Variants in ZMAT4 observed in about 807,000 individuals in gnomAD.
The protein encoded by ZMAT4 is zinc finger matrin-type protein 4.
In ZMAT4, 17 loss-of-function variants were observed where a neutral mutation model predicts 28.7. The ratio of observed to expected loss-of-function variants is 0.59; its 90% CI spans 0.41 to 0.89. The LOEUF is 0.89. Among genes scored for constraint, ZMAT4 ranks in the 40% least tolerant of loss-of-function variants. The pLI is 0.00. For missense variants in ZMAT4, 240 were observed against 283.8 expected (o/e 0.85, Z 1.11); for synonymous variants, 117 against 109.2 (o/e 1.07, Z -0.44).
chr8:40,686,062 A>C lies in ZMAT4; in HGVS notation c.350-11131T>G, dbSNP rs544489343. On this transcript the variant is annotated intron_variant, in intron 4 of 6. Transcript: ENST00000297737. ...CCAAATATTCATATAGTCATGTTTC[A>C]TTCATTCAACTATGTTCTGGCACTG... 3.3e-5 allele frequency among the ~76,000 whole-genome samples: 5 copies of C among 152,320 alleles called. No individual in the cohort carries two copies. The East Asian group carries it at 9.6e-4, about 29-fold the overall frequency.
intron 5 of ZMAT4, among the ~76,000 whole-genome samples, chr8:40,634,876 C>A (rs925779266): frequency 1.3e-5 from 2 of 152,208 alleles, no homozygotes; most frequent in African/African-American, 4.8e-5. Context: ...AATCTAGCTT[C>A]CTGCAGACTC....
At chr8:40,784,709 C>T (rs1209898612) in intron 2 of ZMAT4, among the ~76,000 whole-genome samples, 2 of 152,140 alleles carry the variant, frequency 1.3e-5, no homozygotes, top group Non-Finnish European at 1.5e-5. Flanking sequence ...CACACTGCCC[C>T]GATCCCCATT....
At chr8:40,796,990 G>A (rs1296967507) in intron 2 of ZMAT4, among the ~76,000 whole-genome samples, 1 of 152,146 alleles carries the variant, frequency 6.6e-6, no homozygotes, top group African/African-American at 2.4e-5. Flanking sequence ...GGGGCCACAG[G>A]CAGGGAATCG....
rs550511471 is a variant in ZMAT4, at chr8:40,591,457, C to T, written c.578-10196G>A. The stretch of plus-strand genomic sequence containing the variant: ...CAATCTATCCTGCAGGTCGGTCACC[C>T]ATGTGACTGAGGCTGGGGACACTAA... On this transcript the variant is annotated intron_variant, in intron 5 of 6. Coordinates refer to ENST00000297737, the MANE Select transcript of ZMAT4 (RefSeq NM_024645.3). Among the ~76,000 whole-genome samples, 132 of 152,300 alleles carry T rather than the reference C, an allele frequency of 8.7e-4. 2 individuals are homozygous for T. Among genetic ancestry groups the T allele is most frequent in the Middle Eastern group, 6.8e-3 (2 of 294 alleles).
rs556931129 is a variant in ZMAT4, at chr8:40,791,336, A to G, written c.103-23606T>C. 4.7e-3 allele frequency among the ~76,000 whole-genome samples: 713 copies of G among 152,326 alleles called. 7 individuals are homozygous for G. Among genetic ancestry groups the G allele is most frequent in the Middle Eastern group, 0.027 (8 of 294 alleles). On this transcript the variant is annotated intron_variant, in intron 2 of 6. Coordinates refer to ENST00000297737, the MANE Select transcript of ZMAT4 (RefSeq NM_024645.3). ...ACATGGAAGCGCTCCTAGGAGCTCC[A>G]AAGTACTTAAGCCTGGGAAATCCCG... is the stretch of plus-strand genomic sequence containing the variant.
At chr8:40,634,339 C>CCTGATT (rs1223245157) in intron 5 of ZMAT4, among the ~76,000 whole-genome samples, 1 of 152,120 alleles carries the variant, frequency 6.6e-6, no homozygotes, top group Non-Finnish European at 1.5e-5. Flanking sequence ...AGACAAAGAA[C>CCTGATT]CTGATTCCTC....
chr8:40,669,485 C>G (rs1323991157), intron 5 of ZMAT4, among the ~76,000 whole-genome samples: 2 of 151,898 alleles, frequency 1.3e-5, no homozygotes, highest in Non-Finnish European at 2.9e-5. Context: ...CCGCTTTTGC[C>G]TCTGCCACCC....
At chr8:40,751,731 G>C (rs1812460086) in intron 3 of ZMAT4, among the ~76,000 whole-genome samples, 1 of 152,178 alleles carries the variant, frequency 6.6e-6, no homozygotes, top group Non-Finnish European at 1.5e-5. Flanking sequence ...TACAGAAGAA[G>C]AGGATGACTT....
At chr8:40,806,186 T>G (rs1205711585) in intron 2 of ZMAT4, among the ~76,000 whole-genome samples, 1 of 152,208 alleles carries the variant, frequency 6.6e-6, no homozygotes, top group East Asian at 1.9e-4. Flanking sequence ...GAAACAGCAT[T>G]TGCAACTTTT....
rs1022661722 is a variant in ZMAT4, at chr8:40,663,958, G to T, written c.577+10746C>A. Among the ~76,000 whole-genome samples, 6 of 152,170 alleles carry T rather than the reference G, an allele frequency of 3.9e-5. No homozygotes were observed. The South Asian group carries it at 1.2e-3, about 32-fold the overall frequency. On this transcript the variant is annotated intron_variant, in intron 5 of 6. Coordinates refer to ENST00000297737, the MANE Select transcript of ZMAT4 (RefSeq NM_024645.3). ...TACATATTATTTGACACTAGTTTCT[G>T]TCAAGTATTCAGTACTTGAAAATGT... is the stretch of plus-strand genomic sequence containing the variant.
chr8:40,722,833 T>C (rs546731797), intron 3 of ZMAT4, among the ~76,000 whole-genome samples: 10 of 152,112 alleles, frequency 6.6e-5, no homozygotes, highest in Non-Finnish European at 1.5e-4. Context: ...TGATAAGTGC[T>C]CACATACATC....
intron 5 of ZMAT4, among the ~76,000 whole-genome samples, chr8:40,670,444 A>T (rs1200470612): frequency 6.6e-6 from 1 of 152,232 alleles, no homozygotes; most frequent in African/African-American, 2.4e-5. Context: ...TGTAGAAGAA[A>T]ACATACAAGA....
chr8:40,546,639 ACAGGAAAGTGC>A (rs1411850526), intron 6 of ZMAT4, among the ~76,000 whole-genome samples: 4 of 152,152 alleles, frequency 2.6e-5, no homozygotes, highest in East Asian at 1.9e-4. Context: ...AATGGTCCTC[ACAGGAAAGTGC>A]CAGTTCCTGA....
At chr8:40,752,887 T>G (rs1392161758) in intron 3 of ZMAT4, among the ~76,000 whole-genome samples, 1 of 152,118 alleles carries the variant, frequency 6.6e-6, no homozygotes, top group Non-Finnish European at 1.5e-5. Context: ...TTCTTTTTTT[T>G]TAATTTTACT....
At chr8:40,797,542 A>G (rs1814649775) in intron 2 of ZMAT4, among the ~76,000 whole-genome samples, 1 of 152,168 alleles carries the variant, frequency 6.6e-6, no homozygotes, top group Non-Finnish European at 1.5e-5. Flanking sequence ...AAGACTAAGG[A>G]CGGTGGTATT....
At chr8:40,618,013 C>G (rs1445349557) in intron 5 of ZMAT4, among the ~76,000 whole-genome samples, 1 of 152,164 alleles carries the variant, frequency 6.6e-6, no homozygotes, top group Non-Finnish European at 1.5e-5. Context: ...CAAATTCTAC[C>G]ACACTCTCTA....
chr8:40,773,242 G>A (rs978341283), intron 2 of ZMAT4, among the ~76,000 whole-genome samples: 1 of 152,128 alleles, frequency 6.6e-6, no homozygotes, highest in Admixed American at 6.5e-5. Context: ...GAGAAAGCTG[G>A]TCCCTAAAGG....
intron 2 of ZMAT4, among the ~76,000 whole-genome samples, chr8:40,798,189 C>T (rs1411287893): frequency 6.6e-6 from 1 of 152,190 alleles, no homozygotes; most frequent in Admixed American, 6.5e-5. Flanking sequence ...CTTCAAAGAA[C>T]TGGAAATCCA....
At chr8:40,570,960 A>C (rs1360335668) in intron 6 of ZMAT4, among the ~76,000 whole-genome samples, 2 of 152,130 alleles carry the variant, frequency 1.3e-5, no homozygotes, top group African/African-American at 4.8e-5. Flanking sequence ...TGGAGGACTA[A>C]TCTGAAGCAG....
Sources: allele counts gnomAD v4.1 joint callset (sites outside exome capture counted in the v4.1 genomes callset), GRCh38; gene constraint gnomAD v4.1.1; transcripts MANE v1.5; gene names NCBI Gene and HGNC (gene_info 2026-07-23, HGNC 2026-07-21).